TANC1: variants seen among roughly 807,000 people sequenced by gnomAD.
TANC1 encodes protein TANC1.
In TANC1, 77 loss-of-function variants were observed where a neutral mutation model predicts 149.7. The ratio of observed to expected loss-of-function variants is 0.51; its 90% CI spans 0.43 to 0.62. TANC1 has a LOEUF of 0.62. Ranked by LOEUF, TANC1 falls within the 20% of genes least tolerant of loss-of-function variation. TANC1 has a pLI of 0.00. For synonymous variants in TANC1, 854 were observed against 925.0 expected (o/e 0.92, Z 1.39); for missense variants, 1,985 against 2,321.8 (o/e 0.85, Z 2.98).
intron 7 of TANC1, among the ~76,000 whole-genome samples, chr2:159,156,718 A>G (rs2053478571): frequency 6.6e-6 from 1 of 152,232 alleles, no homozygotes. Context: ...GAAAAGGGTC[A>G]TTAGACTGTG....
At chr2:159,028,080 C>T (rs1367931288) in intron 2 of TANC1, among the ~76,000 whole-genome samples, 1 of 152,172 alleles carries the variant, frequency 6.6e-6, no homozygotes, top group East Asian at 1.9e-4. Context: ...GTTGCCAACA[C>T]ATGAAAGTTG....
chr2:159,178,536 GT>G lies in TANC1; in HGVS notation c.1903-15del, dbSNP rs1391064467. On this transcript the variant is annotated intron_variant, in intron 13 of 26. Coordinates refer to ENST00000263635, the MANE Select transcript of TANC1 (RefSeq NM_033394.3). ...GAATCTCTTTAGAGTGACACTGTGG[GT>G]TTTTGTTTTCTCCCCCAGGAAATCA... The G allele has an allele frequency of 6.5e-7, 1 of 1,537,582 alleles. No homozygotes were observed. The highest frequency in any genetic ancestry group is 8.7e-7 in the Non-Finnish European group (1 of 1,145,228).
At position 159,186,971 on chromosome 2, in the gene TANC1, G is replaced by C. The variant is rs1272694076; in HGVS notation, c.2689G>C (p.Gly897Arg). The C allele has an allele frequency of 6.2e-7, 1 of 1,614,204 alleles. No homozygotes were observed. The highest frequency in any genetic ancestry group is 1.1e-5 in the South Asian group (1 of 91,082). The part of the protein sequence containing the change: ...QALWIGYSTE[G>R]LSAALASLRN... Reference sequence around the variant, plus strand: ...CCTGTGGATCGGCTACAGCACCGAGGGGCTGTCCGCCGCCCTGGCCTCTCT... The same window carrying C: ...CCTGTGGATCGGCTACAGCACCGAGCGGCTGTCCGCCGCCCTGGCCTCTCT... The change falls in exon 16 of 27, where the codon GGG (glycine) becomes CGG (arginine). Residue 897 changes from glycine (G) to arginine (R), a missense_variant. Gly to Arg is a moderately radical substitution (Grantham distance 125). Transcript: ENST00000263635.
chr2:159,065,878 T>C lies in TANC1; in HGVS notation c.-15-18T>C, dbSNP rs776724960. 53 of 1,601,464 alleles carry C rather than the reference T, an allele frequency of 3.3e-5. No homozygotes were observed. Among genetic ancestry groups the C allele is most frequent in the African/African-American group, 4.0e-5 (3 of 74,704 alleles). ...TTCAATGTTTAATTCCTCTTCTCTC[T>C]GTTTCTTTTCTCCTTAGAAACAAGT... On this transcript the variant is annotated intron_variant, in intron 2 of 26. Transcript: ENST00000263635.
chr2:159,097,895 CA>C (rs1184182763), intron 4 of TANC1, 61 bp downstream of exon 4: 1 of 1,424,122 alleles, frequency 7.0e-7, no homozygotes, highest in Non-Finnish European at 9.8e-7. Flanking sequence ...TGAAAATAAG[CA>C]AAACTAGTGC....
chr2:158,995,803 A>G (rs1322753960), intron 1 of TANC1, among the ~76,000 whole-genome samples: 1 of 151,902 alleles, frequency 6.6e-6, no homozygotes, highest in Non-Finnish European at 1.5e-5. Context: ...CCACTGCCTT[A>G]CCTACTGCCT....
intron 17 of TANC1, among the ~76,000 whole-genome samples, chr2:159,195,018 T>A (rs1398220992): frequency 6.6e-6 from 1 of 152,206 alleles, no homozygotes; most frequent in Non-Finnish European, 1.5e-5. Flanking sequence ...AGGCTTCTTA[T>A]CTGTAAAATG....
chr2:159,127,320 G>A (rs906875240), intron 4 of TANC1, among the ~76,000 whole-genome samples: 1 of 152,202 alleles, frequency 6.6e-6, no homozygotes, highest in East Asian at 1.9e-4. Context: ...ACAGATGCTC[G>A]TGAGGCTGTG....
intron 1 of TANC1, among the ~76,000 whole-genome samples, chr2:158,981,517 A>ATG (rs2034357223): frequency 8.3e-6 from 1 of 119,788 alleles, no homozygotes; most frequent in Non-Finnish European, 1.8e-5. Flanking sequence ...ATATATATAT[A>ATG]TATATATATA....
intron 4 of TANC1, among the ~76,000 whole-genome samples, chr2:159,120,082 A>G (rs1243573527): frequency 6.6e-6 from 1 of 152,198 alleles, no homozygotes; most frequent in East Asian, 1.9e-4. Context: ...ACCATGTGCA[A>G]CAGGACTGTG....
At chr2:158,978,510 A>G (rs1314370774) in intron 1 of TANC1, among the ~76,000 whole-genome samples, 2 of 152,236 alleles carry the variant, frequency 1.3e-5, no homozygotes, top group African/African-American at 4.8e-5. Context: ...AGACAATCCT[A>G]GCAGATGCAG....
At chr2:158,988,831 C>T (rs1015866401) in intron 1 of TANC1, among the ~76,000 whole-genome samples, 1 of 152,154 alleles carries the variant, frequency 6.6e-6, no homozygotes, top group Non-Finnish European at 1.5e-5. Flanking sequence ...CATGGCAGGT[C>T]GACTGGACCC....
chr2:159,190,976 TA>T (rs1386910809), intron 16 of TANC1, among the ~76,000 whole-genome samples: 3 of 152,206 alleles, frequency 2.0e-5, no homozygotes, highest in Non-Finnish European at 2.9e-5. Context: ...GGGGATTAAT[TA>T]AGTCATTTGC....
At chr2:159,181,407 C>T (rs1214207876) in intron 14 of TANC1, among the ~76,000 whole-genome samples, 1 of 152,102 alleles carries the variant, frequency 6.6e-6, no homozygotes, top group Admixed American at 6.5e-5. Flanking sequence ...CACCATTCTC[C>T]TGCCTCAGCC....
chr2:159,086,610 C>T (rs1411286503), intron 3 of TANC1, among the ~76,000 whole-genome samples: 2 of 152,044 alleles, frequency 1.3e-5, no homozygotes, highest in Non-Finnish European at 2.9e-5. Flanking sequence ...GCAGGGGAAC[C>T]TCTGGAAATA....
intron 3 of TANC1, among the ~76,000 whole-genome samples, chr2:159,094,819 A>G (rs545747499): frequency 1.3e-5 from 2 of 152,240 alleles, no homozygotes; most frequent in African/African-American, 4.8e-5. Flanking sequence ...CTGTCCACAC[A>G]GCCTCTAGGA....
intron 18 of TANC1, 65 bp downstream of exon 18, chr2:159,196,858 C>T: frequency 6.9e-7 from 1 of 1,443,046 alleles, no homozygotes; most frequent in Non-Finnish European, 9.3e-7. Context: ...TCAGTTGACA[C>T]ACTGAAGGAC....
intron 4 of TANC1, among the ~76,000 whole-genome samples, chr2:159,121,217 TC>T (rs2048816579): frequency 6.6e-6 from 1 of 152,216 alleles, no homozygotes; most frequent in Admixed American, 6.5e-5. Context: ...TTCCTTGAAA[TC>T]CTACCTGATG....
intron 7 of TANC1, among the ~76,000 whole-genome samples, chr2:159,151,155 A>G (rs971716186): frequency 2.0e-5 from 3 of 152,188 alleles, no homozygotes; most frequent in Non-Finnish European, 4.4e-5. Context: ...CTTGAGCAAC[A>G]TTGAATTTAC....
Sources: gnomAD v4.1 joint callset for allele counts (sites outside exome capture counted in the v4.1 genomes callset) on GRCh38, gnomAD v4.1.1 for gene constraint, MANE v1.5 for transcripts, NCBI Gene and HGNC (gene_info 2026-07-23, HGNC 2026-07-21) for gene names.